The following SNTB1 variants were observed in gnomAD, a reference collection of about 807,000 sequenced individuals.
SNTB1 encodes beta-1-syntrophin.
SNTB1 carries 36 observed loss-of-function variants against 48.9 expected under a neutral mutation model. That is an observed-to-expected ratio of 0.74 (90% CI 0.56 to 0.97). The LOEUF is 0.97. SNTB1 is among the 50% of genes least tolerant of loss of function. The pLI is 0.00. For synonymous variants in SNTB1, 299 were observed against 294.6 expected (o/e 1.01, Z -0.15); for missense variants, 786 against 703.4 (o/e 1.12, Z -1.33).
At chr8:120,648,738 C>T (rs1587061724) in intron 2 of SNTB1, among the ~76,000 whole-genome samples, 1 of 152,168 alleles carries the variant, frequency 6.6e-6, no homozygotes, top group South Asian at 2.1e-4. Context: ...GGGAAGTTCT[C>T]CTGGATAATA....
intron 3 of SNTB1, among the ~76,000 whole-genome samples, chr8:120,620,718 T>G (rs987681244): frequency 6.7e-6 from 1 of 148,544 alleles, no homozygotes; most frequent in African/African-American, 2.5e-5. Flanking sequence ...GACTTCAGGT[T>G]ATCTTATGGT....
intron 1 of SNTB1, among the ~76,000 whole-genome samples, chr8:120,708,139 G>C (rs1229574102): frequency 6.6e-6 from 1 of 151,364 alleles, no homozygotes; most frequent in Non-Finnish European, 1.5e-5. Flanking sequence ...AAACATAAAA[G>C]AATACTTTTG....
chr8:120,552,562 T>C (rs1329436788), intron 4 of SNTB1, among the ~76,000 whole-genome samples: 1 of 150,716 alleles, frequency 6.6e-6, no homozygotes, highest in Non-Finnish European at 1.5e-5. Flanking sequence ...TTTGCCATGT[T>C]GGCCAGGCTG....
chr8:120,543,329 T>C (rs183150120), intron 5 of SNTB1, among the ~76,000 whole-genome samples: 5 of 152,262 alleles, frequency 3.3e-5, no homozygotes, highest in Middle Eastern at 3.4e-3. Flanking sequence ...AAAAGTTATG[T>C]AGGGAAACCA....
rs565257619 is a variant in SNTB1, at chr8:120,729,916, C to T, written c.572-36008G>A. Reference sequence around the variant, plus strand: ...TGTACCAAGACTTTACCAGAACTGCCGCTCCTAAAGCCACCATGCACATGA... The same window carrying T: ...TGTACCAAGACTTTACCAGAACTGCTGCTCCTAAAGCCACCATGCACATGA... On this transcript the variant is annotated intron_variant, in intron 1 of 6. Transcript: ENST00000517992. 7.9e-5 allele frequency among the ~76,000 whole-genome samples: 12 copies of T among 152,214 alleles called. No homozygotes were observed. In the South Asian group the frequency reaches 1.9e-3, roughly 24 times the overall value.
intron 2 of SNTB1, among the ~76,000 whole-genome samples, chr8:120,650,756 C>G (rs1017483939): frequency 6.6e-6 from 1 of 152,102 alleles, no homozygotes; most frequent in Non-Finnish European, 1.5e-5. Context: ...AATGCATGTT[C>G]CAGAAGAGAA....
At chr8:120,588,069 C>T (rs150944099) in intron 3 of SNTB1, among the ~76,000 whole-genome samples, 3 of 152,004 alleles carry the variant, frequency 2.0e-5, no homozygotes, top group East Asian at 1.9e-4. Context: ...ACAGCAGGCT[C>T]TTTGGGAAAA....
chr8:120,805,416 G>A (rs1820319338), intron 1 of SNTB1, among the ~76,000 whole-genome samples: 1 of 152,130 alleles, frequency 6.6e-6, no homozygotes, highest in African/African-American at 2.4e-5. Context: ...AAAAATGAAA[G>A]GGAAGCAGAA....
chr8:120,704,793 A>T (rs1479165423), intron 1 of SNTB1, among the ~76,000 whole-genome samples: 1 of 152,232 alleles, frequency 6.6e-6, no homozygotes, highest in Non-Finnish European at 1.5e-5. Flanking sequence ...AGTTTCACAC[A>T]GGCACTAAAT....
intron 3 of SNTB1, among the ~76,000 whole-genome samples, chr8:120,594,605 C>T (rs578189816): frequency 1.3e-5 from 2 of 152,262 alleles, no homozygotes; most frequent in Admixed American, 1.3e-4. Flanking sequence ...AATTCCTGGC[C>T]TCAAGCGATC....
chr8:120,807,595 G>A lies in SNTB1; in HGVS notation c.571+3678C>T, dbSNP rs184833477. Reference sequence around the variant, plus strand: ...CCTTGCTGGCCATGTGTTTAACCATGGTAGGGCTGGGCCATGTTACAGCAG... The same window carrying A: ...CCTTGCTGGCCATGTGTTTAACCATAGTAGGGCTGGGCCATGTTACAGCAG... On this transcript the variant is annotated intron_variant, in intron 1 of 6. Coordinates refer to ENST00000517992, the MANE Select transcript of SNTB1 (RefSeq NM_021021.4). 1.5e-3 allele frequency among the ~76,000 whole-genome samples: 222 copies of A among 152,362 alleles called. 1 individual carries two copies. Among genetic ancestry groups the A allele is most frequent in the African/African-American group, 5.0e-3 (210 of 41,590 alleles).
chr8:120,811,627 C>T lies in SNTB1; in HGVS notation c.217G>A (p.Gly73Arg), dbSNP rs763446005. The T allele has an allele frequency of 3.8e-6, 6 of 1,591,592 alleles. No homozygotes were observed. In the African/African-American group the frequency reaches 6.9e-5, roughly 18 times the overall value. ...ATNGSFCRGA[G>R]AGHPGAGGAQ... is the part of the protein sequence containing the mutation. ...CCGCCCGCGCCCGGGTGCCCAGCCC[C>T]GGCGCCCCTGCAGAACGAGCCATTG... is the stretch of plus-strand genomic sequence containing the variant. Residue 73 changes from glycine (G) to arginine (R), a missense_variant, in exon 1 of 7, where the codon GGG (glycine) becomes AGG (arginine). Transcript: ENST00000517992.
At chr8:120,619,191 A>G (rs1816757394) in intron 3 of SNTB1, among the ~76,000 whole-genome samples, 1 of 152,170 alleles carries the variant, frequency 6.6e-6, no homozygotes, top group African/African-American at 2.4e-5. Context: ...ATTGCCTTTT[A>G]AAATCAATTT....
At chr8:120,746,539 C>T (rs1033396471) in intron 1 of SNTB1, among the ~76,000 whole-genome samples, 3 of 152,154 alleles carry the variant, frequency 2.0e-5, no homozygotes, top group Non-Finnish European at 4.4e-5. Context: ...TTATAACCCA[C>T]AAAGCCTAAA....
chr8:120,628,251 CCT>C (rs1308709506), intron 3 of SNTB1, among the ~76,000 whole-genome samples: 1 of 151,988 alleles, frequency 6.6e-6, no homozygotes, highest in African/African-American at 2.4e-5. Flanking sequence ...CTGCTGTGTC[CCT>C]GTTTATTACT....
At chr8:120,654,502 GTT>G (rs1222714408) in intron 2 of SNTB1, among the ~76,000 whole-genome samples, 1 of 152,052 alleles carries the variant, frequency 6.6e-6, no homozygotes, top group African/African-American at 2.4e-5. Context: ...CCACAGCTGT[GTT>G]TATTCTCACC....
chr8:120,626,088 G>C (rs1816877732), intron 3 of SNTB1, among the ~76,000 whole-genome samples: 1 of 152,180 alleles, frequency 6.6e-6, no homozygotes, highest in Admixed American at 6.5e-5. Flanking sequence ...AATGTAGCTA[G>C]AGAATGAAAT....
intron 1 of SNTB1, among the ~76,000 whole-genome samples, chr8:120,770,678 T>A (rs1218284862): frequency 6.6e-6 from 1 of 152,116 alleles, no homozygotes; most frequent in African/African-American, 2.4e-5. Context: ...CTGGGTGTGA[T>A]GGCAGGCGCC....
chr8:120,768,058 G>A (rs1391534762), intron 1 of SNTB1, among the ~76,000 whole-genome samples: 1 of 152,158 alleles, frequency 6.6e-6, no homozygotes, highest in East Asian at 1.9e-4. Context: ...TTGGTTTGTT[G>A]ATCTGCCCAA....
Sources: allele counts gnomAD v4.1 joint callset (sites outside exome capture counted in the v4.1 genomes callset), GRCh38; gene constraint gnomAD v4.1.1; transcripts MANE v1.5; gene names NCBI Gene and HGNC (gene_info 2026-07-23, HGNC 2026-07-21).